Variants in TSPAN9 observed in about 807,000 individuals in gnomAD.
The protein encoded by TSPAN9 is tetraspanin-9.
In TSPAN9, 16 loss-of-function variants were observed where a neutral mutation model predicts 31.0. The observed-to-expected ratio is 0.52, with a 90% CI of 0.35 to 0.78. TSPAN9 has a LOEUF of 0.78. TSPAN9 is among the 30% of genes least tolerant of loss of function. The probability of loss-of-function intolerance (pLI) is 0.01; values close to 1 mark genes in which losing one functional copy is unlikely to be tolerated. For synonymous variants in TSPAN9, 145 were observed against 121.6 expected (o/e 1.19, Z -1.27); for missense variants, 272 against 312.5 (o/e 0.87, Z 0.98).
In TSPAN9 at chr12:3,262,935, C is replaced by T. The variant is rs114548748; in HGVS notation, c.64-15486C>T. 5.5e-3 allele frequency among the ~76,000 whole-genome samples: 830 copies of T among 152,290 alleles called. 13 individuals are homozygous for T. Among genetic ancestry groups the T allele is most frequent in the African/African-American group, 0.019 (778 of 41,552 alleles). On this transcript the variant is annotated intron_variant, in intron 3 of 8. Transcript: ENST00000011898. ...CTGAGTAAGTCGCATCTCCGAGCCT[C>T]GGTTTCCTTAACCAGGGCCTTTGAC...
At chr12:3,155,525 A>G (rs1815339954) in intron 2 of TSPAN9, among the ~76,000 whole-genome samples, 1 of 152,006 alleles carries the variant, frequency 6.6e-6, no homozygotes, top group Non-Finnish European at 1.5e-5. Flanking sequence ...CTTGAACCCA[A>G]GAATTTGAGG....
intron 2 of TSPAN9, among the ~76,000 whole-genome samples, chr12:3,144,602 C>G (rs7298272): frequency 6.6e-6 from 1 of 152,126 alleles, no homozygotes; most frequent in African/African-American, 2.4e-5. Context: ...CCCAGAACCG[C>G]GAGACCGTAA....
chr12:3,276,161 CCTT>C (rs147774963), intron 3 of TSPAN9, among the ~76,000 whole-genome samples: 9,196 of 152,196 alleles, frequency 0.06, 308 homozygotes, highest in East Asian at 0.094. Context: ...AAGGGCATCT[CCTT>C]CTTATTCCTC....
chr12:3,119,793 G>T (rs1330339083), intron 2 of TSPAN9, among the ~76,000 whole-genome samples: 2 of 152,172 alleles, frequency 1.3e-5, no homozygotes, highest in Non-Finnish European at 2.9e-5. Context: ...GCTCCTGTGG[G>T]GAGGTGTTGG....
chr12:3,163,124 C>T (rs957354736), intron 2 of TSPAN9, among the ~76,000 whole-genome samples: 1 of 152,190 alleles, frequency 6.6e-6, no homozygotes, highest in Non-Finnish European at 1.5e-5. Context: ...TGTGGAGTCC[C>T]CAGCATCTAG....
At chr12:3,122,705 G>A (rs1372032180) in intron 2 of TSPAN9, among the ~76,000 whole-genome samples, 3 of 152,134 alleles carry the variant, frequency 2.0e-5, no homozygotes, top group Non-Finnish European at 2.9e-5. Context: ...GGGAGGTGGC[G>A]TCCACTTTTG....
At chr12:3,194,127 C>T (rs923906459) in intron 2 of TSPAN9, among the ~76,000 whole-genome samples, 2 of 152,194 alleles carry the variant, frequency 1.3e-5, no homozygotes, top group African/African-American at 4.8e-5. Context: ...CCTCCGTCCT[C>T]CAGCACTTCC....
intron 2 of TSPAN9, among the ~76,000 whole-genome samples, chr12:3,133,889 G>A (rs765294717): frequency 3.3e-5 from 5 of 152,176 alleles, no homozygotes; most frequent in Admixed American, 6.5e-5. Flanking sequence ...CCACCCAGGC[G>A]CAGTTTCTAG....
chr12:3,268,697 C>G (rs1862595876), intron 3 of TSPAN9, among the ~76,000 whole-genome samples: 1 of 114,304 alleles, frequency 8.7e-6, no homozygotes, highest in African/African-American at 3.4e-5. Flanking sequence ...TTCCTGCAGC[C>G]TGCCCTCCGT....
At chr12:3,118,422 C>T (rs139683107) in intron 2 of TSPAN9, among the ~76,000 whole-genome samples, 3,419 of 151,534 alleles carry the variant, frequency 0.023, 114 homozygotes, top group African/African-American at 0.078. Context: ...CCATCATGCC[C>T]GGCTAATTTT....
chr12:3,214,288 A>G (rs745745837), intron 3 of TSPAN9, among the ~76,000 whole-genome samples: 1 of 152,170 alleles, frequency 6.6e-6, no homozygotes, highest in Non-Finnish European at 1.5e-5. Flanking sequence ...AGAGTGATGG[A>G]CCACGGATGA....
chr12:3,117,761 A>G (rs1299632771), intron 2 of TSPAN9, among the ~76,000 whole-genome samples: 1 of 152,184 alleles, frequency 6.6e-6, no homozygotes, highest in Admixed American at 6.5e-5. Context: ...GGAACCTGAG[A>G]CTATGGGAAC....
chr12:3,152,009 G>A (rs1019962148), intron 2 of TSPAN9, among the ~76,000 whole-genome samples: 32 of 152,344 alleles, frequency 2.1e-4, no homozygotes, highest in Middle Eastern at 3.4e-3. Context: ...TCCTGCAAAT[G>A]GGATGCCTGC....
At chr12:3,193,104 G>T (rs2098365291) in intron 2 of TSPAN9, among the ~76,000 whole-genome samples, 1 of 152,146 alleles carries the variant, frequency 6.6e-6, no homozygotes, top group Non-Finnish European at 1.5e-5. Context: ...ATCCAGCAGT[G>T]GGGTAACTCA....
At chr12:3,093,722 A>G (rs2098306178) in intron 2 of TSPAN9, among the ~76,000 whole-genome samples, 1 of 152,208 alleles carries the variant, frequency 6.6e-6, no homozygotes. Flanking sequence ...ATTGAGGGAA[A>G]GACCCCATCC....
chr12:3,190,673 C>T (rs1388830146), intron 2 of TSPAN9, among the ~76,000 whole-genome samples: 4 of 152,234 alleles, frequency 2.6e-5, no homozygotes, highest in Middle Eastern at 3.2e-3. Flanking sequence ...CCAATCTCTG[C>T]TGCCCCCTCT....
At chr12:3,096,065 G>T (rs1213136161) in intron 2 of TSPAN9, among the ~76,000 whole-genome samples, 1 of 151,954 alleles carries the variant, frequency 6.6e-6, no homozygotes, top group Admixed American at 6.6e-5. Flanking sequence ...CCGGCGCGGC[G>T]GCAAAGACTG....
rs1230877762 is a variant in TSPAN9, at chr12:3,143,660, G to A, written c.-17-57517G>A. On this transcript the variant is annotated intron_variant, in intron 2 of 8. Transcript: ENST00000011898. This position sits in a 1 kb window ranked among gnomAD's most constrained non-coding sequence, Gnocchi z 4.2. ...TTTTATCCTATAGGTTAGAGTTACAGGAACAGCACAATAGATATTTATTTT... is the reference window on the plus strand; with the variant it reads ...TTTTATCCTATAGGTTAGAGTTACAAGAACAGCACAATAGATATTTATTTT... Among the ~76,000 whole-genome samples the A allele has an allele frequency of 6.6e-6, 1 of 152,188 alleles. No homozygotes were observed. Among genetic ancestry groups the A allele is most frequent in the Non-Finnish European group, 1.5e-5 (1 of 68,042 alleles).
intron 3 of TSPAN9, among the ~76,000 whole-genome samples, chr12:3,243,681 G>A (rs190698612): frequency 6.6e-6 from 1 of 152,236 alleles, no homozygotes; most frequent in African/African-American, 2.4e-5. Flanking sequence ...TCTTCAGGGA[G>A]GGTGACAGCG....
Sources: allele counts gnomAD v4.1 joint callset (sites outside exome capture counted in the v4.1 genomes callset), GRCh38; gene constraint gnomAD v4.1.1; non-coding constraint Gnocchi (gnomAD v3.1); transcripts MANE v1.5; gene names NCBI Gene and HGNC (gene_info 2026-07-23, HGNC 2026-07-21).